The following TRIO variants were observed in gnomAD, a reference collection of about 807,000 sequenced individuals.
TRIO encodes the protein trio Rho guanine nucleotide exchange factor.
Under a neutral mutation model 351.9 loss-of-function variants are expected in TRIO, and 58 were observed. That is an observed-to-expected ratio of 0.16 (90% CI 0.13 to 0.21). The LOEUF (loss-of-function observed/expected upper bound fraction) is 0.21, where lower values mean the gene tolerates loss of function less well. Ranked by LOEUF, TRIO falls within the 10% of genes least tolerant of loss-of-function variation. The pLI, the probability that TRIO is intolerant of heterozygous loss-of-function variation, is 1.00. For synonymous variants in TRIO, 1,758 were observed against 1,595.7 expected (o/e 1.10, Z -2.42); for missense variants, 3,201 against 4,027.8 (o/e 0.79, Z 5.56).
chr5:14,304,399 A>G, intron 7 of TRIO, 62 bp from the exon 8 acceptor site: 1 of 1,532,778 alleles, frequency 6.5e-7, no homozygotes, highest in South Asian at 1.2e-5. Flanking sequence ...CCATGTTAAA[A>G]AATGTCCACT....
rs924659670 is a variant in TRIO at position 14,508,509 on chromosome 5, G to C, written c.*87G>C. 3 of 1,463,940 alleles carry C rather than the reference G, an allele frequency of 2.0e-6. No individual in the cohort carries two copies. In the African/African-American group the frequency reaches 4.2e-5, roughly 21 times the overall value. The allele number at this position is 1,463,940 out of a possible 1,614,324, so 90.7% of individuals were successfully genotyped here. A position where few individuals can be genotyped will look rare whatever the true frequency, so the allele number is the denominator to read the frequency against. ...CAAGAGAAAACAAGCAAACATAACTGATCAGCTGCCGGTATGTTCATCGTG... is the reference window on the plus strand; with the variant it reads ...CAAGAGAAAACAAGCAAACATAACTCATCAGCTGCCGGTATGTTCATCGTG... On this transcript the variant is annotated 3_prime_UTR_variant, in exon 57 of 57. Coordinates refer to ENST00000344204, the MANE Select transcript of TRIO (RefSeq NM_007118.4).
chr5:14,384,921 GA>G (rs776982499), intron 21 of TRIO, among the ~76,000 whole-genome samples: 4 of 151,420 alleles, frequency 2.6e-5, no homozygotes, highest in Non-Finnish European at 5.9e-5. Flanking sequence ...AATCAATAAG[GA>G]AAAAAAAGAC....
intron 1 of TRIO, chr5:14,183,690 G>C (rs183025040): frequency 2.8e-6 from 1 of 358,984 alleles, no homozygotes; most frequent in Non-Finnish European, 5.1e-6. Context: ...TTCAGACTTG[G>C]ATCAAAAACT....
Position 14,359,551 on chromosome 5 carries a change from C to CGCCT in TRIO, c.2391+30_2391+33dup, listed in dbSNP as rs1743944208. 1.2e-6 allele frequency: 2 copies of CGCCT among 1,608,302 alleles called. No homozygotes were observed. Among genetic ancestry groups the CGCCT allele is most frequent in the African/African-American group, 1.3e-5 (1 of 74,838 alleles). ...ATCGACGTGAGTGTCCCGCGGCTGGCGCCTGCCTGCCTGTGGGAGCCCTTG... is the reference window on the plus strand; with the variant it reads ...ATCGACGTGAGTGTCCCGCGGCTGGCGCCTGCCTGCCTGCCTGTGGGAGCCCTTG... On this transcript the variant is annotated intron_variant, in intron 13 of 56. Coordinates refer to ENST00000344204, the MANE Select transcript of TRIO (RefSeq NM_007118.4).
intron 1 of TRIO, among the ~76,000 whole-genome samples, chr5:14,253,500 C>A (rs530670105): frequency 4.0e-5 from 6 of 151,692 alleles, no homozygotes; most frequent in African/African-American, 1.5e-4. Flanking sequence ...CCACAGGTCC[C>A]GGCTGATTTC....
At chr5:14,445,162 G>A (rs1042780411) in intron 34 of TRIO, among the ~76,000 whole-genome samples, 1 of 152,112 alleles carries the variant, frequency 6.6e-6, no homozygotes, top group South Asian at 2.1e-4. Context: ...AGAGTGAGTC[G>A]GCCTGGGAGC....
At chr5:14,455,035 T>G (rs1387760558) in intron 34 of TRIO, among the ~76,000 whole-genome samples, 1 of 149,912 alleles carries the variant, frequency 6.7e-6, no homozygotes, top group Non-Finnish European at 1.5e-5. Flanking sequence ...GGGTTCGTGG[T>G]CTCGCTGGCC....
At position 14,289,512 on chromosome 5, in the gene TRIO, C is replaced by T. The variant is rs1309377721; in HGVS notation, c.541-1204C>T. Among the ~76,000 whole-genome samples, 3 of 151,882 alleles carry T rather than the reference C, an allele frequency of 2.0e-5. No homozygotes were observed. In the East Asian group the frequency reaches 5.8e-4, roughly 29 times the overall value. ...AGCTTACAGCATGTAATCATCGCCACACTCCAGTCTGGAAGACAGAGCATG... is the reference window on the plus strand; with the variant it reads ...AGCTTACAGCATGTAATCATCGCCATACTCCAGTCTGGAAGACAGAGCATG... On this transcript the variant is annotated intron_variant, in intron 4 of 56. Coordinates refer to ENST00000344204, the MANE Select transcript of TRIO (RefSeq NM_007118.4).
chr5:14,425,713 C>T (rs1750586264), intron 34 of TRIO, among the ~76,000 whole-genome samples: 1 of 152,118 alleles, frequency 6.6e-6, no homozygotes, highest in African/African-American at 2.4e-5. Flanking sequence ...AGGGCAGAGC[C>T]CTTGAGAATG....
chr5:14,250,239 A>G (rs1045204039), intron 1 of TRIO, among the ~76,000 whole-genome samples: 32 of 152,208 alleles, frequency 2.1e-4, no homozygotes, highest in African/African-American at 7.0e-4. Flanking sequence ...CGTGGCCAGC[A>G]TGCCGTCACT....
intron 48 of TRIO, chr5:14,489,090 T>C (rs780584889): frequency 2.6e-6 from 2 of 764,596 alleles, no homozygotes; most frequent in African/African-American, 3.4e-5. Flanking sequence ...AGAACTGTTC[T>C]AATGAGTGTA....
At chr5:14,302,030 CTA>C (rs746728191) in intron 7 of TRIO, among the ~76,000 whole-genome samples, 12 of 152,150 alleles carry the variant, frequency 7.9e-5, no homozygotes, top group South Asian at 4.1e-4. Context: ...CCTTCCCTGG[CTA>C]TATGTTTTCA....
intron 43 of TRIO, 30 bp from the exon 44 acceptor site, chr5:14,481,204 A>G: frequency 6.2e-7 from 1 of 1,602,482 alleles, no homozygotes; most frequent in Non-Finnish European, 8.5e-7. Context: ...CTTTGTCACC[A>G]TTATCATGTC....
At chr5:14,437,529 T>G (rs1398576495) in intron 34 of TRIO, among the ~76,000 whole-genome samples, 2 of 152,132 alleles carry the variant, frequency 1.3e-5, no homozygotes, top group African/African-American at 2.4e-5. Context: ...AGAAATTTAT[T>G]TTCTGGAGAC....
chr5:14,377,811 G>A (rs1017312426), intron 19 of TRIO, among the ~76,000 whole-genome samples: 13 of 152,106 alleles, frequency 8.5e-5, no homozygotes, highest in African/African-American at 1.9e-4. Flanking sequence ...TGTCTTTATC[G>A]TAAGATGGTC....
At position 14,385,281 on chromosome 5, in the gene TRIO, G is replaced by A. The variant is rs77606740; in HGVS notation, c.3571-2157G>A. Among the ~76,000 whole-genome samples the A allele has an allele frequency of 9.9e-3, 1,501 of 152,338 alleles. 26 individuals carry two copies. Among genetic ancestry groups the A allele is most frequent in the African/African-American group, 0.034 (1,431 of 41,566 alleles). ...GCACTCAGGCACGTGTCTAACCACCGTTCATGCAACTGATGGATTTCTTGC... is the reference window on the plus strand; with the variant it reads ...GCACTCAGGCACGTGTCTAACCACCATTCATGCAACTGATGGATTTCTTGC... On this transcript the variant is annotated intron_variant, in intron 21 of 56. Transcript: ENST00000344204.
At chr5:14,360,268 A>C (rs1744028644) in intron 13 of TRIO, among the ~76,000 whole-genome samples, 1 of 152,224 alleles carries the variant, frequency 6.6e-6, no homozygotes, top group African/African-American at 2.4e-5. Flanking sequence ...TTTCTTCAAC[A>C]AAAAGAGAGT....
intron 34 of TRIO, among the ~76,000 whole-genome samples, chr5:14,448,012 A>G (rs957708772): frequency 2.0e-5 from 3 of 152,240 alleles, no homozygotes; most frequent in African/African-American, 4.8e-5. Context: ...AACTTCCCAT[A>G]TAGAGAAATT....
At position 14,368,723 on chromosome 5, in the gene TRIO, G is replaced by A. The variant is rs139892017; in HGVS notation, c.2890G>A (p.Ala964Thr). 1.5e-5 allele frequency: 25 copies of A among 1,613,532 alleles called. No homozygotes were observed. Among genetic ancestry groups the A allele is most frequent in the East Asian group, 2.2e-5 (1 of 44,846 alleles). ...QHAIEKTHQS[A>T]LQVQQKAEAM... is the part of the protein sequence containing the mutation. Reference sequence around the variant, plus strand: ...CTGTCTCTAGAAAACACATCAGAGCGCGCTGCAGGTGCAGCAGAAGGCAGA... The same window carrying A: ...CTGTCTCTAGAAAACACATCAGAGCACGCTGCAGGTGCAGCAGAAGGCAGA... Residue 964 changes from alanine to threonine, a missense_variant, in exon 17 of 57, where the codon GCG becomes ACG. Physicochemically the swap from Ala to Thr is moderately conservative, Grantham distance 58. Transcript: ENST00000344204.
Sources: allele counts gnomAD v4.1 joint callset (sites outside exome capture counted in the v4.1 genomes callset), GRCh38; gene constraint gnomAD v4.1.1; transcripts MANE v1.5; gene names NCBI Gene and HGNC (gene_info 2026-07-23, HGNC 2026-07-21).